Variants in RFPL1 observed in about 807,000 individuals in gnomAD.
RFPL1 encodes the protein ret finger protein-like 1.
RFPL1 carries 6 observed loss-of-function variants against 9.6 expected under a neutral mutation model. That is an observed-to-expected ratio of 0.62 (90% CI 0.34 to 1.23). RFPL1 has a LOEUF of 1.23. Ranked by LOEUF, RFPL1 falls within the 50% of genes most tolerant of loss-of-function variation. The probability of loss-of-function intolerance (pLI) is 0.03; values close to 1 mark genes in which losing one functional copy is unlikely to be tolerated. For missense variants in RFPL1, 352 were observed against 398.4 expected, an observed-to-expected ratio of 0.88 and a Z score of 0.99; for synonymous variants, 145 against 149.4, an observed-to-expected ratio of 0.97 and a Z score of 0.22.
chr22:29,389,458 G>A, the RFPL1 span, among the ~76,000 whole-genome samples: 2 of 151,144 alleles, frequency 1.3e-5, no homozygotes, highest in South Asian at 2.1e-4. Flanking sequence ...AGGCCGAGGC[G>A]GGCGGATCAC....
At chr22:29,432,103 C>G in the RFPL1 span, among the ~76,000 whole-genome samples, 1 of 152,226 alleles carries the variant, frequency 6.6e-6, no homozygotes, top group African/African-American at 2.4e-5. Flanking sequence ...TTGATTGACT[C>G]TCTCTTAGCT....
chr22:29,424,841 C>CCCCCG, the RFPL1 span, among the ~76,000 whole-genome samples: 6 of 115,290 alleles, frequency 5.2e-5, no homozygotes, highest in African/African-American at 2.0e-4. Context: ...CCACCCCCCC[C>CCCCCG]CCCGCAAAAT....
the RFPL1 span, among the ~76,000 whole-genome samples, chr22:29,411,708 G>C: frequency 1.3e-5 from 2 of 152,180 alleles, no homozygotes; most frequent in Non-Finnish European, 2.9e-5. Context: ...CCTAGAAGTC[G>C]GAGCAGGAGG....
chr22:29,397,294 G>A, the RFPL1 span, among the ~76,000 whole-genome samples: 2,799 of 152,202 alleles, frequency 0.018, 72 homozygotes, highest in African/African-American at 0.063. Context: ...TGGTGTTTCC[G>A]TTTCTGTGCT....
the RFPL1 span, among the ~76,000 whole-genome samples, chr22:29,391,012 G>A: frequency 6.6e-5 from 10 of 151,686 alleles, no homozygotes; most frequent in South Asian, 6.2e-4. Flanking sequence ...CATGGTGGTG[G>A]GTGCCTGTAG....
At chr22:29,426,263 C>T in the RFPL1 span, among the ~76,000 whole-genome samples, 1 of 148,642 alleles carries the variant, frequency 6.7e-6, no homozygotes, top group African/African-American at 2.5e-5. Flanking sequence ...ATGAGGGTTA[C>T]GGAGATCTGA....
chr22:29,437,922 G>A, upstream of RFPL1: 1 of 487,590 alleles, frequency 2.1e-6, no homozygotes. Flanking sequence ...AGTCAATTTG[G>A]TATTCATTTC....
the RFPL1 span, among the ~76,000 whole-genome samples, chr22:29,427,160 A>C: frequency 2.6e-5 from 4 of 152,340 alleles, no homozygotes; most frequent in South Asian, 8.3e-4. Context: ...GCTCTGGTGA[A>C]GGCACCTGTG....
At chr22:29,406,858 T>C in the RFPL1 span, among the ~76,000 whole-genome samples, 3 of 152,190 alleles carry the variant, frequency 2.0e-5, no homozygotes, top group African/African-American at 7.2e-5. Context: ...GGCACGGGAT[T>C]TGGCCTCTAG....
At chr22:29,424,687 T>G in the RFPL1 span, among the ~76,000 whole-genome samples, 29 of 145,866 alleles carry the variant, frequency 2.0e-4, 1 homozygote, top group East Asian at 5.2e-3. Flanking sequence ...AAATTGAGGC[T>G]GGACGCAGTG....
chr22:29,428,359 T>C, the RFPL1 span, among the ~76,000 whole-genome samples: 1 of 152,116 alleles, frequency 6.6e-6, no homozygotes, highest in South Asian at 2.1e-4. Flanking sequence ...GCACCAGATA[T>C]AGAAAGTAAA....
chr22:29,439,477 C>A (rs1359195732), intron 1 of RFPL1: 2 of 303,160 alleles, frequency 6.6e-6, no homozygotes, highest in African/African-American at 2.2e-5. Context: ...ACTAAAAATA[C>A]AAAAAATTAG....
chr22:29,417,847 TG>T, the RFPL1 span, among the ~76,000 whole-genome samples: 2 of 151,412 alleles, frequency 1.3e-5, no homozygotes, highest in Non-Finnish European at 2.9e-5. Context: ...TAGTGCTGGG[TG>T]ATGGGAACAG....
At chr22:29,404,046 G>T in the RFPL1 span, among the ~76,000 whole-genome samples, 1 of 151,704 alleles carries the variant, frequency 6.6e-6, no homozygotes, top group African/African-American at 2.4e-5. Context: ...AAAATTAACT[G>T]GTACTTCCAC....
At chr22:29,439,065 C>T in exon 1 of RFPL1, 1 of 1,614,140 alleles carries the variant, frequency 6.2e-7, no homozygotes, top group African/African-American at 1.3e-5. Context: ...CAAAATCAGG[C>T]CCAGTTGGCA....
chr22:29,437,728 G>C, upstream of RFPL1: 3 of 1,589,190 alleles, frequency 1.9e-6, no homozygotes, highest in South Asian at 1.1e-5. Context: ...TCCAGCAGAA[G>C]AGGTGAGCCC....
intron 1 of RFPL1, 151 bp from the exon 2 acceptor site, chr22:29,441,391 C>A: frequency 4.7e-6 from 4 of 847,098 alleles, no homozygotes; most frequent in South Asian, 3.7e-5. Context: ...TTGAACTAGT[C>A]AGGGAAGTTG....
chr22:29,399,998 T>TC, the RFPL1 span, among the ~76,000 whole-genome samples: 6 of 146,384 alleles, frequency 4.1e-5, no homozygotes, highest in South Asian at 8.8e-4. Context: ...TCTTTTCTTT[T>TC]TTTTTTTTTT....
At chr22:29,422,212 G>T in the RFPL1 span, among the ~76,000 whole-genome samples, 8 of 152,176 alleles carry the variant, frequency 5.3e-5, no homozygotes, top group Non-Finnish European at 8.8e-5. Flanking sequence ...CTCAATCCAA[G>T]GTGGGTGGAT....
Sources: allele counts gnomAD v4.1 joint callset (sites outside exome capture counted in the v4.1 genomes callset), GRCh38; gene constraint gnomAD v4.1.1; transcripts MANE v1.5; gene names NCBI Gene and HGNC (gene_info 2026-07-23, HGNC 2026-07-21).